COBL: variants seen among roughly 807,000 people sequenced by gnomAD.
The protein encoded by COBL is protein cordon-bleu.
A neutral mutation model predicts 98.8 loss-of-function variants in COBL; 51 were observed. The observed-to-expected ratio is 0.52, with a 90% CI of 0.41 to 0.65. The LOEUF (loss-of-function observed/expected upper bound fraction) is 0.65, where lower values mean the gene tolerates loss of function less well. Ranked by LOEUF, COBL falls within the 30% of genes least tolerant of loss-of-function variation. The pLI is 0.00. For missense variants in COBL, 1,617 were observed against 1,617.5 expected (o/e 1.00, Z 0.01); for synonymous variants, 634 against 651.7 (o/e 0.97, Z 0.41).
chr7:51,130,545 C>G (rs1213939870), intron 6 of COBL, among the ~76,000 whole-genome samples: 1 of 152,092 alleles, frequency 6.6e-6, no homozygotes, highest in Non-Finnish European at 1.5e-5. Context: ...TTTTAATAAG[C>G]AAAAAATATC....
rs1463894325 is a variant in COBL, at chr7:51,271,557, T to C, written c.41+45036A>G. 3.3e-5 allele frequency among the ~76,000 whole-genome samples: 5 copies of C among 152,174 alleles called. No homozygotes were observed. The East Asian group carries it at 9.6e-4, about 29-fold the overall frequency. The stretch of plus-strand genomic sequence containing the variant: ...TAGCATGAGTCTCATGAAACCTACA[T>C]TAAATATTTAAGAAAAACAAAGGTG... On this transcript the variant is annotated intron_variant, in intron 1 of 12. Transcript: ENST00000265136.
chr7:51,036,550 A>G (rs944323502), intron 8 of COBL, among the ~76,000 whole-genome samples: 1 of 151,868 alleles, frequency 6.6e-6, no homozygotes, highest in Non-Finnish European at 1.5e-5. Flanking sequence ...GTCCCTCTGC[A>G]CCTCTCACTA....
At chr7:51,307,063 G>A (rs1412918900) in intron 1 of COBL, among the ~76,000 whole-genome samples, 2 of 152,220 alleles carry the variant, frequency 1.3e-5, no homozygotes, top group Admixed American at 6.5e-5. Flanking sequence ...CAAGAGGACA[G>A]GCCGGGTGCA....
intron 1 of COBL, among the ~76,000 whole-genome samples, chr7:51,253,201 G>A (rs1796891314): frequency 1.3e-5 from 2 of 152,170 alleles, no homozygotes; most frequent in South Asian, 4.1e-4. Flanking sequence ...TCCAGTCTGG[G>A]CAACAGACTC....
chr7:51,023,556 C>T (rs752072049), intron 12 of COBL, among the ~76,000 whole-genome samples: 1 of 152,226 alleles, frequency 6.6e-6, no homozygotes, highest in Non-Finnish European at 1.5e-5. Context: ...CTCAGAGAGC[C>T]ACCGAATCAG....
In COBL at chr7:51,242,681, CAG is replaced by C. The variant is rs142221902; in HGVS notation, c.42-22739_42-22738del. ...TCTTCAGGTTCATAAGATCCACAAACAGAAAATGTTAACTTAGGATTTGAACA... is the reference window on the plus strand; with the variant it reads ...TCTTCAGGTTCATAAGATCCACAAACAAAATGTTAACTTAGGATTTGAACA... On this transcript the variant is annotated intron_variant, in intron 1 of 12. Transcript: ENST00000265136. Among the ~76,000 whole-genome samples, 1,213 of 152,240 alleles carry C rather than the reference CAG, an allele frequency of 8.0e-3. 57 individuals carry two copies. In the South Asian group the frequency reaches 0.13, roughly 17 times the overall value.
intron 1 of COBL, among the ~76,000 whole-genome samples, chr7:51,227,500 A>G (rs1373632108): frequency 6.6e-6 from 1 of 152,142 alleles, no homozygotes; most frequent in African/African-American, 2.4e-5. Context: ...TCTTCCAGGC[A>G]AGATGCACTC....
At chr7:51,313,720 T>G (rs1197172906) in intron 1 of COBL, among the ~76,000 whole-genome samples, 2 of 152,370 alleles carry the variant, frequency 1.3e-5, no homozygotes, top group Middle Eastern at 3.4e-3. Context: ...ATGGGAAATT[T>G]AGCCCTGTGT....
intron 1 of COBL, among the ~76,000 whole-genome samples, chr7:51,288,915 T>C (rs867097550): frequency 2.0e-5 from 3 of 152,222 alleles, no homozygotes; most frequent in Non-Finnish European, 4.4e-5. Flanking sequence ...TGTTAAAATA[T>C]GAACAAGAAC....
intron 2 of COBL, among the ~76,000 whole-genome samples, chr7:51,215,325 G>A (rs778224913): frequency 5.3e-5 from 8 of 152,134 alleles, no homozygotes; most frequent in East Asian, 1.9e-4. Flanking sequence ...ATTAGAAATC[G>A]GATGTTGATA....
intron 1 of COBL, among the ~76,000 whole-genome samples, chr7:51,221,918 T>C (rs938810553): frequency 6.6e-6 from 1 of 152,252 alleles, no homozygotes; most frequent in Non-Finnish European, 1.5e-5. Context: ...CCAGGTGTGG[T>C]GGCTCATGCC....
At chr7:51,253,871 CAGTT>C (rs568214583) in intron 1 of COBL, among the ~76,000 whole-genome samples, 263 of 152,330 alleles carry the variant, frequency 1.7e-3, no homozygotes, top group African/African-American at 5.8e-3. Flanking sequence ...CAACTTTAGA[CAGTT>C]AGATTCCTTT....
chr7:51,152,774 G>T lies in COBL; in HGVS notation c.784-16443C>A, dbSNP rs148349096. On this transcript the variant is annotated intron_variant, in intron 5 of 12. Coordinates refer to ENST00000265136, the MANE Select transcript of COBL (RefSeq NM_015198.5). ...AGCAGCATCTTTTCTCATCCTTGTT[G>T]TATGATTTGTCTGGTGGATTCAGGG... Among the ~76,000 whole-genome samples, 405 of 152,298 alleles carry T rather than the reference G, an allele frequency of 2.7e-3. 2 individuals carry two copies. Among genetic ancestry groups the T allele is most frequent in the African/African-American group, 9.3e-3 (386 of 41,550 alleles).
intron 1 of COBL, among the ~76,000 whole-genome samples, chr7:51,292,726 C>G (rs534063283): frequency 2.6e-5 from 4 of 152,366 alleles, no homozygotes; most frequent in African/African-American, 7.2e-5. Context: ...TCCCTCCACA[C>G]TCCAGAGCCT....
rs532366936 is a variant in COBL, at chr7:51,025,089, G to C, written c.3768+20C>G. On this transcript the variant is annotated intron_variant, in intron 12 of 12. Transcript: ENST00000265136. ...CAACCCTCTGGCCCCATTGAAATGC[G>C]CACACACAGTCGCCATCACCTTTCT... is the stretch of plus-strand genomic sequence containing the variant. The C allele has an allele frequency of 1.9e-6, 3 of 1,611,874 alleles. No homozygotes were observed. The highest frequency in any genetic ancestry group is 2.5e-6 in the Non-Finnish European group (3 of 1,179,832).
intron 6 of COBL, among the ~76,000 whole-genome samples, chr7:51,109,936 G>A (rs1332281568): frequency 6.6e-6 from 1 of 152,174 alleles, no homozygotes; most frequent in Admixed American, 6.5e-5. Flanking sequence ...TGACACAGGC[G>A]AGAGCAAGGG....
chr7:51,284,926 G>A (rs1800192097), intron 1 of COBL, among the ~76,000 whole-genome samples: 1 of 150,996 alleles, frequency 6.6e-6, no homozygotes, highest in African/African-American at 2.4e-5. Flanking sequence ...GTAAGAGTGT[G>A]TATTCTCACT....
At chr7:51,050,130 T>A (rs1180270980) in intron 7 of COBL, among the ~76,000 whole-genome samples, 1 of 152,098 alleles carries the variant, frequency 6.6e-6, no homozygotes, top group Non-Finnish European at 1.5e-5. Context: ...CACTACTATA[T>A]ACACACACAC....
chr7:51,106,428 A>G (rs960590544), intron 6 of COBL, among the ~76,000 whole-genome samples: 8 of 152,156 alleles, frequency 5.3e-5, no homozygotes, highest in Non-Finnish European at 1.2e-4. Context: ...ATCCTGGCAG[A>G]TGGAGGAGGA....
Sources: allele counts gnomAD v4.1 joint callset (sites outside exome capture counted in the v4.1 genomes callset), GRCh38; gene constraint gnomAD v4.1.1; transcripts MANE v1.5; gene names NCBI Gene and HGNC (gene_info 2026-07-23, HGNC 2026-07-21).